The following PDE1C variants were observed in gnomAD, a reference collection of about 807,000 sequenced individuals.
PDE1C encodes phosphodiesterase 1C.
A neutral mutation model predicts 93.1 loss-of-function variants in PDE1C; 62 were observed. That is an observed-to-expected ratio of 0.67 (90% CI 0.54 to 0.82). PDE1C has a LOEUF of 0.82. Among genes scored for constraint, PDE1C ranks in the 40% least tolerant of loss-of-function variants. PDE1C has a pLI of 0.00. For synonymous variants in PDE1C, 325 were observed against 310.1 expected, an observed-to-expected ratio of 1.05 and a Z score of -0.50; for missense variants, 742 against 884.6, an observed-to-expected ratio of 0.84 and a Z score of 2.04.
At chr7:32,390,041 A>G (rs1023525475) in intron 1 of PDE1C, among the ~76,000 whole-genome samples, 9 of 152,216 alleles carry the variant, frequency 5.9e-5, no homozygotes, top group Non-Finnish European at 1.0e-4. Flanking sequence ...AATGAGGAGT[A>G]CCAGAGACTG....
chr7:32,323,042 T>TAC (rs1345941813), intron 1 of PDE1C, among the ~76,000 whole-genome samples: 1 of 152,182 alleles, frequency 6.6e-6, no homozygotes, highest in Admixed American at 6.5e-5. Context: ...CTCAGGAAGA[T>TAC]ACAGGGGTGG....
At chr7:32,175,461 G>T (rs1802922415) in intron 2 of PDE1C, among the ~76,000 whole-genome samples, 1 of 152,206 alleles carries the variant, frequency 6.6e-6, no homozygotes, top group South Asian at 2.1e-4. Flanking sequence ...TCAAGCAGAG[G>T]TAATCTTTTT....
At chr7:31,900,355 C>T (rs1276850627) in intron 2 of PDE1C, among the ~76,000 whole-genome samples, 1 of 151,496 alleles carries the variant, frequency 6.6e-6, no homozygotes, top group Non-Finnish European at 1.5e-5. Flanking sequence ...AAAAGTTACA[C>T]CTTCTAGAAA....
chr7:32,282,710 AG>A (rs1458576826), intron 1 of PDE1C, among the ~76,000 whole-genome samples: 1 of 150,412 alleles, frequency 6.6e-6, no homozygotes, highest in Non-Finnish European at 1.5e-5. Context: ...CCTCCCGAGT[AG>A]CTGGGACTGC....
chr7:31,722,543 G>C, the PDE1C span, among the ~76,000 whole-genome samples: 3 of 152,176 alleles, frequency 2.0e-5, no homozygotes, highest in East Asian at 5.8e-4. Flanking sequence ...GGGGCTATGA[G>C]AGCTTATAAC....
intron 3 of PDE1C, among the ~76,000 whole-genome samples, chr7:32,120,721 G>A (rs977438092): frequency 6.6e-6 from 1 of 152,038 alleles, no homozygotes; most frequent in Non-Finnish European, 1.5e-5. Context: ...CCCATCCAAG[G>A]TTCAGCAGCC....
At chr7:32,312,645 A>C (rs377467510) in intron 1 of PDE1C, among the ~76,000 whole-genome samples, 33 of 152,274 alleles carry the variant, frequency 2.2e-4, no homozygotes, top group South Asian at 1.0e-3. Context: ...CAAAAACAAG[A>C]AATGGGGAAA....
At chr7:31,755,029 A>G (rs1794366323) in intron 17 of PDE1C, among the ~76,000 whole-genome samples, 1 of 152,216 alleles carries the variant, frequency 6.6e-6, no homozygotes, top group Admixed American at 6.5e-5. Context: ...AACCTTGTAT[A>G]TGAACAGAAT....
chr7:32,224,435 C>A (rs1389632615), intron 1 of PDE1C, among the ~76,000 whole-genome samples: 2 of 152,072 alleles, frequency 1.3e-5, no homozygotes. Context: ...GACTCCTCTG[C>A]CATCTTACCA....
chr7:32,261,226 A>C (rs915653408), intron 1 of PDE1C, among the ~76,000 whole-genome samples: 1 of 152,116 alleles, frequency 6.6e-6, no homozygotes, highest in African/African-American at 2.4e-5. Flanking sequence ...ACCTAAGATC[A>C]GTGCTTGAGA....
chr7:31,817,591 C>T (rs1256856137), intron 14 of PDE1C, among the ~76,000 whole-genome samples: 1 of 152,162 alleles, frequency 6.6e-6, no homozygotes, highest in Non-Finnish European at 1.5e-5. Context: ...CTAGCCTGTG[C>T]CATCAACTTC....
intron 2 of PDE1C, among the ~76,000 whole-genome samples, chr7:32,189,125 G>A (rs765964349): frequency 2.0e-5 from 3 of 152,116 alleles, no homozygotes; most frequent in Non-Finnish European, 2.9e-5. Flanking sequence ...TCACTATATA[G>A]TGAGACCATC....
intron 1 of PDE1C, among the ~76,000 whole-genome samples, chr7:32,220,255 G>A (rs1806747820): frequency 6.6e-6 from 1 of 152,202 alleles, no homozygotes; most frequent in African/African-American, 2.4e-5. Context: ...AGAAGAGGTG[G>A]AGGGACACTC....
At chr7:32,091,975 G>A (rs553115307) in intron 3 of PDE1C, among the ~76,000 whole-genome samples, 2 of 152,298 alleles carry the variant, frequency 1.3e-5, no homozygotes, top group African/African-American at 4.8e-5. Flanking sequence ...TTCTGGATAC[G>A]TGAGAGAAGA....
At chr7:31,984,692 G>C (rs1226030332) in intron 2 of PDE1C, among the ~76,000 whole-genome samples, 1 of 152,172 alleles carries the variant, frequency 6.6e-6, no homozygotes, top group African/African-American at 2.4e-5. Context: ...GAGAATTCTA[G>C]AAAATAATTC....
At chr7:31,727,902 G>C in the PDE1C span, among the ~76,000 whole-genome samples, 1 of 152,020 alleles carries the variant, frequency 6.6e-6, no homozygotes, top group African/African-American at 2.4e-5. Flanking sequence ...AAATTAGCCG[G>C]GCGTGGTGGC....
At chr7:31,628,037 T>A in the PDE1C span, among the ~76,000 whole-genome samples, 7 of 152,144 alleles carry the variant, frequency 4.6e-5, no homozygotes, top group Non-Finnish European at 1.5e-5. Context: ...CAGAAAGTCT[T>A]TGTCACCCCA....
At chr7:32,317,809 T>A (rs964002197) in intron 1 of PDE1C, among the ~76,000 whole-genome samples, 2 of 152,198 alleles carry the variant, frequency 1.3e-5, no homozygotes, top group Non-Finnish European at 2.9e-5. Context: ...AGTGACTTAA[T>A]ACATGAATGG....
chr7:31,941,812 A>C (rs1805886543), intron 2 of PDE1C, among the ~76,000 whole-genome samples: 1 of 152,196 alleles, frequency 6.6e-6, no homozygotes, highest in Non-Finnish European at 1.5e-5. Flanking sequence ...CACTTGTGAT[A>C]TTATGACAAG....
Sources: gnomAD v4.1 joint callset for allele counts (sites outside exome capture counted in the v4.1 genomes callset) on GRCh38, gnomAD v4.1.1 for gene constraint, MANE v1.5 for transcripts, NCBI Gene and HGNC (gene_info 2026-07-23, HGNC 2026-07-21) for gene names.